Variants in MFN1 observed in about 807,000 individuals in gnomAD.
MFN1 encodes the protein mitofusin-1.
MFN1 carries 65 observed loss-of-function variants against 92.4 expected under a neutral mutation model. That is an observed-to-expected ratio of 0.70 (90% CI 0.58 to 0.86). MFN1 has a LOEUF of 0.86. MFN1 is among the 40% of genes least tolerant of loss of function. The pLI is 0.00. For synonymous variants in MFN1, 297 were observed against 300.9 expected, an observed-to-expected ratio of 0.99 and a Z score of 0.13; for missense variants, 781 against 868.0, an observed-to-expected ratio of 0.90 and a Z score of 1.26.
chr3:179,359,279 C>A (rs1454207921), intron 4 of MFN1, among the ~76,000 whole-genome samples: 1 of 152,000 alleles, frequency 6.6e-6, no homozygotes, highest in Non-Finnish European at 1.5e-5. Flanking sequence ...CGCCACCACA[C>A]CCGGCTAATT....
intron 14 of MFN1, among the ~76,000 whole-genome samples, chr3:179,382,255 T>G (rs1433853467): frequency 6.6e-6 from 1 of 152,130 alleles, no homozygotes; most frequent in Non-Finnish European, 1.5e-5. Context: ...CGGGGTGTGA[T>G]GTTCCCCTTC....
At chr3:179,377,792 C>A (rs764771816) in intron 12 of MFN1, among the ~76,000 whole-genome samples, 1 of 152,046 alleles carries the variant, frequency 6.6e-6, no homozygotes, top group Non-Finnish European at 1.5e-5. Flanking sequence ...AGGCTGGTTG[C>A]GGTGGCTCCC....
chr3:179,365,651 C>A (rs1391739296), intron 7 of MFN1, among the ~76,000 whole-genome samples: 1 of 152,148 alleles, frequency 6.6e-6, no homozygotes, highest in African/African-American at 2.4e-5. Context: ...CTTCCTCTTA[C>A]CTACCTCCTT....
intron 14 of MFN1, among the ~76,000 whole-genome samples, chr3:179,382,792 T>C (rs1336728121): frequency 6.6e-6 from 1 of 152,228 alleles, no homozygotes; most frequent in Non-Finnish European, 1.5e-5. Flanking sequence ...TATCTCATTG[T>C]GGTTTTGATT....
intron 12 of MFN1, 58 bp downstream of exon 12, chr3:179,377,506 C>T (rs1713288889): frequency 9.7e-7 from 1 of 1,027,572 alleles, no homozygotes; most frequent in South Asian, 1.5e-5. Flanking sequence ...TCTATACCCT[C>T]ATTTATTTCA....
At chr3:179,349,426 G>A (rs1332360966) in intron 2 of MFN1, among the ~76,000 whole-genome samples, 1 of 152,110 alleles carries the variant, frequency 6.6e-6, no homozygotes, top group Non-Finnish European at 1.5e-5. Context: ...TCTCAAATGA[G>A]GCTGAATTGC....
Position 179,378,454 on chromosome 3 carries a change from T to C in MFN1, c.1432+11T>C. The C allele has an allele frequency of 6.3e-7, 1 of 1,582,746 alleles. No homozygotes were observed. Among genetic ancestry groups the C allele is most frequent in the Non-Finnish European group, 8.6e-7 (1 of 1,167,426 alleles). ...AGCAAGAAATTATTGGTAATATTTA[T>C]GTCTACAAGGTCATGTCTGGTTTGT... On this transcript the variant is annotated intron_variant, in intron 13 of 17. Coordinates refer to ENST00000471841, the MANE Select transcript of MFN1 (RefSeq NM_033540.3).
At chr3:179,361,364 A>G (rs762907965) in intron 4 of MFN1, among the ~76,000 whole-genome samples, 1 of 152,126 alleles carries the variant, frequency 6.6e-6, no homozygotes, top group Non-Finnish European at 1.5e-5. Context: ...TATCACATGG[A>G]TGCATTGTGT....
intron 7 of MFN1, among the ~76,000 whole-genome samples, chr3:179,365,487 A>G (rs148487729): frequency 1.5e-4 from 23 of 152,342 alleles, no homozygotes; most frequent in African/African-American, 5.3e-4. Flanking sequence ...ACATAACAGA[A>G]AAGTACATAA....
intron 7 of MFN1, among the ~76,000 whole-genome samples, chr3:179,366,565 T>C (rs1712803423): frequency 6.6e-6 from 1 of 152,194 alleles, no homozygotes; most frequent in Non-Finnish European, 1.5e-5. Flanking sequence ...ATCCCATCAC[T>C]GTTCACATGA....
In MFN1 at chr3:179,364,404, C is replaced by T. The variant is rs774808113; in HGVS notation, c.644C>T (p.Thr215Met). The change falls in exon 6 of 18, where the codon ACG (threonine) becomes ATG (methionine). Residue 215 changes from threonine to methionine, a missense_variant and splice_region_variant. Coordinates refer to ENST00000471841, the MANE Select transcript of MFN1 (RefSeq NM_033540.3). ...VANSESTLMN[T>M]EKHFFHKVNE... Reference sequence around the variant, plus strand: ...AACTCTGAATCAACACTAATGAATACGGTAGGATTTAATCATATTATTGTG... The same window carrying T: ...AACTCTGAATCAACACTAATGAATATGGTAGGATTTAATCATATTATTGTG... 11 of 1,590,084 alleles carry T rather than the reference C, an allele frequency of 6.9e-6. No individual in the cohort carries two copies. Among genetic ancestry groups the T allele is most frequent in the East Asian group, 2.2e-5 (1 of 44,716 alleles).
rs1712453789 is a variant in MFN1 at position 179,358,960 on chromosome 3, C to T, written c.369C>T (p.Ala123=). The T allele has an allele frequency of 1.2e-6, 2 of 1,613,856 alleles. No homozygotes were observed. Among genetic ancestry groups the T allele is most frequent in the Non-Finnish European group, 1.7e-6 (2 of 1,179,938 alleles). ...TTGAAGGAACTGATGGAGATAAAGC[C>T]TATCTTATGACAGAAGGATCAGATG... ...LSVEGTDGDK[A]YLMTEGSDEK... is the part of the protein sequence containing the mutation. Residue 123 remains alanine, a synonymous_variant, in exon 4 of 18, where the codon GCC becomes GCT. Coordinates refer to ENST00000471841, the MANE Select transcript of MFN1 (RefSeq NM_033540.3).
At chr3:179,369,377 T>C (rs543457926) in intron 9 of MFN1, among the ~76,000 whole-genome samples, 11 of 152,186 alleles carry the variant, frequency 7.2e-5, no homozygotes, top group Non-Finnish European at 1.3e-4. Flanking sequence ...GGGGAAAATA[T>C]GTAGGGAGAG....
chr3:179,368,016 T>A lies in MFN1; in HGVS notation c.908-20T>A, dbSNP rs1237985204. 1 of 1,477,106 alleles carries A rather than the reference T, an allele frequency of 6.8e-7. No individual in the cohort carries two copies. The highest frequency in any genetic ancestry group is 9.0e-7 in the Non-Finnish European group (1 of 1,108,830). The allele number at this position is 1,477,106 out of a possible 1,614,324, so 91.5% of individuals were successfully genotyped here. The stretch of plus-strand genomic sequence containing the variant: ...TCTTGCTACATACTAGGTTTTTAAA[T>A]CTTTGCCTGTACGTTACAGGTGTGG... On this transcript the variant is annotated intron_variant, in intron 8 of 17. Transcript: ENST00000471841.
chr3:179,371,496 G>A (rs2108541732), intron 9 of MFN1, among the ~76,000 whole-genome samples: 1 of 152,288 alleles, frequency 6.6e-6, no homozygotes, highest in East Asian at 1.9e-4. Flanking sequence ...GTGACAGAGT[G>A]AGACTCTCTT....
At chr3:179,356,187 A>G (rs1712339105) in intron 3 of MFN1, among the ~76,000 whole-genome samples, 1 of 152,220 alleles carries the variant, frequency 6.6e-6, no homozygotes, top group Non-Finnish European at 1.5e-5. Context: ...GAGGGTGACC[A>G]GTCACCTGAA....
intron 3 of MFN1, among the ~76,000 whole-genome samples, chr3:179,355,438 G>A (rs1712312023): frequency 6.6e-6 from 1 of 152,150 alleles, no homozygotes; most frequent in African/African-American, 2.4e-5. Flanking sequence ...GTATAGGCAG[G>A]AAATTGTGTG....
rs115959572 is a variant in MFN1 at position 179,393,272 on chromosome 3, T to C, written c.*1213T>C. The C allele has an allele frequency of 1.3e-3, 196 of 152,330 alleles. No homozygotes were observed. The highest frequency in any genetic ancestry group is 4.4e-3 in the African/African-American group (183 of 41,582). 9.4% of individuals were successfully genotyped at this position (152,330 alleles called of 1,614,324 possible). On this transcript the variant is annotated 3_prime_UTR_variant, in exon 18 of 18. Coordinates refer to ENST00000471841, the MANE Select transcript of MFN1 (RefSeq NM_033540.3). ...ATGGAAATGTACAAAAATGACACCATTCTAGGAATTTGCTAGACAAAATGT... is the reference window on the plus strand; with the variant it reads ...ATGGAAATGTACAAAAATGACACCACTCTAGGAATTTGCTAGACAAAATGT...
intron 16 of MFN1, among the ~76,000 whole-genome samples, chr3:179,389,004 GTAT>G (rs1157031286): frequency 2.0e-5 from 3 of 152,200 alleles, no homozygotes; most frequent in Admixed American, 1.3e-4. Context: ...CTTTGCAGTA[GTAT>G]TTGAAATTGT....
Sources: allele counts gnomAD v4.1 joint callset (sites outside exome capture counted in the v4.1 genomes callset), GRCh38; gene constraint gnomAD v4.1.1; transcripts MANE v1.5; gene names NCBI Gene and HGNC (gene_info 2026-07-23, HGNC 2026-07-21).